Variants in HECTD4 observed in about 807,000 individuals in gnomAD.
HECTD4 encodes probable E3 ubiquitin-protein ligase HECTD4.
HECTD4 carries 114 observed loss-of-function variants against 471.5 expected under a neutral mutation model. That is an observed-to-expected ratio of 0.24 (90% CI 0.21 to 0.28). HECTD4 has a LOEUF of 0.28. HECTD4 is among the 10% of genes least tolerant of loss of function. The pLI, the probability that HECTD4 is intolerant of heterozygous loss-of-function variation, is 1.00. For synonymous variants in HECTD4, 2,012 were observed against 2,256.0 expected (o/e 0.89, Z 3.07); for missense variants, 3,866 against 5,651.5 (o/e 0.68, Z 10.13).
intron 12 of HECTD4, 121 bp downstream of exon 12, chr12:112,270,106 T>C: frequency 1.2e-6 from 1 of 823,324 alleles, no homozygotes. Context: ...GATCAGAAGG[T>C]GGTAAGATGC....
intron 7 of HECTD4, among the ~76,000 whole-genome samples, chr12:112,285,397 A>G (rs1654425030): frequency 6.6e-6 from 1 of 152,050 alleles, no homozygotes; most frequent in African/African-American, 2.4e-5. Flanking sequence ...TTACCCACTC[A>G]AAGAGGTCTG....
rs879206169 is a variant in HECTD4, at chr12:112,162,768, CTT to C, written c.13121-247_13121-246del. 3,466 of 452,630 alleles carry C rather than the reference CTT, an allele frequency of 7.7e-3. No homozygotes were observed. Among genetic ancestry groups the C allele is most frequent in the South Asian group, 0.012 (325 of 26,824 alleles). 28.0% of individuals were successfully genotyped at this position (452,630 alleles called of 1,614,324 possible). ...GGTTTGTCTGCCCAGCAAATTGTTT[CTT>C]TTTTTTTTTTTTTAACCATTTTTCT... On this transcript the variant is annotated intron_variant, in intron 75 of 75. Transcript: ENST00000682272. This position sits in a 1 kb window ranked among gnomAD's most constrained non-coding sequence, Gnocchi z 5.2.
At chr12:112,291,556 T>A (rs1020713147) in intron 7 of HECTD4, among the ~76,000 whole-genome samples, 1 of 151,430 alleles carries the variant, frequency 6.6e-6, no homozygotes, top group Non-Finnish European at 1.5e-5. Context: ...GGCAACATAG[T>A]GAGACCCCCC....
Position 112,243,486 on chromosome 12 carries a change from T to C in HECTD4, c.4825A>G (p.Thr1609Ala), listed in dbSNP as rs1404108048. Residue 1609 changes from threonine to alanine, a missense_variant, in exon 32 of 76, where the codon ACA becomes GCA. This residue lies in a region of HECTD4 where 229 missense variants were observed against 386.4 expected (regional missense o/e 0.59). Transcript: ENST00000682272. This position sits in a 1 kb window ranked among gnomAD's most constrained non-coding sequence, Gnocchi z 6.6. ...CGAGTGTTTCCCCGCCGCCACCTTG[T>C]CTGTGCAGCCAAAAGGAAACTGCTG... The part of the protein sequence containing the change: ...SSSSFLLAAQ[T>A]RWRRGNTRKQ... 6.2e-7 allele frequency: 1 copy of C among 1,606,778 alleles called. No individual in the cohort carries two copies. The highest frequency in any genetic ancestry group is 1.3e-5 in the African/African-American group (1 of 74,720).
chr12:112,215,055 C>T (rs558636551), intron 48 of HECTD4, among the ~76,000 whole-genome samples: 9 of 152,102 alleles, frequency 5.9e-5, no homozygotes, highest in East Asian at 1.9e-4. Flanking sequence ...TGGGAGGCTA[C>T]GGCAGGAGAA....
At chr12:112,302,847 T>C (rs2035192581) in intron 7 of HECTD4, among the ~76,000 whole-genome samples, 1 of 152,190 alleles carries the variant, frequency 6.6e-6, no homozygotes, top group Admixed American at 6.5e-5. Flanking sequence ...AATAGAACAA[T>C]GAGCTTCCTA....
intron 29 of HECTD4, among the ~76,000 whole-genome samples, chr12:112,245,927 T>C (rs1369315646): frequency 6.6e-6 from 1 of 151,564 alleles, no homozygotes; most frequent in Non-Finnish European, 1.5e-5. Flanking sequence ...AGGTCAGGGG[T>C]TCAAGACCAG....
Position 112,185,322 on chromosome 12 carries a change from A to C in HECTD4, c.9644T>G (p.Leu3215Trp), listed in dbSNP as rs1370774649. Reference sequence around the variant, plus strand: ...GTACAGCTTGTGGAGCTCCGACTGCAAGGCCATCAGCATGGCCAGGCAGGG... The same window carrying C: ...GTACAGCTTGTGGAGCTCCGACTGCCAGGCCATCAGCATGGCCAGGCAGGG... ...LNPCLAMLMA[L>W]QSELHKLYDE... is the part of the protein sequence containing the mutation. Residue 3215 changes from leucine to tryptophan, a missense_variant, in exon 61 of 76, where the codon TTG (leucine) becomes TGG (tryptophan). Transcript: ENST00000682272. The C allele has an allele frequency of 6.3e-7, 1 of 1,584,260 alleles. No individual in the cohort carries two copies. The highest frequency in any genetic ancestry group is 8.6e-7 in the Non-Finnish European group (1 of 1,165,278).
intron 1 of HECTD4, among the ~76,000 whole-genome samples, chr12:112,380,056 A>T (rs1030054363): frequency 6.6e-6 from 1 of 152,222 alleles, no homozygotes; most frequent in African/African-American, 2.4e-5. Flanking sequence ...CAGATATTTT[A>T]ACTAATCCTA....
chr12:112,273,799 CA>C lies in HECTD4; in HGVS notation c.1802-5del. 6.2e-7 allele frequency: 1 copy of C among 1,612,152 alleles called. No individual in the cohort carries two copies. ...TTCACTGTGTCATAACACGCTCCTGCAAAAAGAGCATACTGTATTCAGTCAC... is the reference window on the plus strand; with the variant it reads ...TTCACTGTGTCATAACACGCTCCTGCAAAAGAGCATACTGTATTCAGTCAC... On this transcript the variant is annotated splice_region_variant and splice_polypyrimidine_tract_variant and intron_variant, in intron 10 of 75. Transcript: ENST00000682272.
intron 38 of HECTD4, among the ~76,000 whole-genome samples, chr12:112,232,790 TCTAGGTCAAAA>T (rs2033413787): frequency 6.6e-6 from 1 of 152,214 alleles, no homozygotes; most frequent in South Asian, 2.1e-4. Context: ...AGAAAAAATT[TCTAGGTCAAAA>T]CTAAAAGTTT....
At chr12:112,208,096 C>A in intron 51 of HECTD4, 96 bp from the exon 52 acceptor site, 1 of 1,361,614 alleles carries the variant, frequency 7.3e-7, no homozygotes, top group South Asian at 1.4e-5. Context: ...GGTCTTCACC[C>A]CACTTAAATG....
chr12:112,207,748 G>A, intron 52 of HECTD4, 126 bp downstream of exon 52: 2 of 1,064,968 alleles, frequency 1.9e-6, no homozygotes, highest in Admixed American at 2.8e-5. Flanking sequence ...TAAAGGTAAG[G>A]TCAAAGACAC....
At chr12:112,252,390 C>A in intron 23 of HECTD4, 34 bp downstream of exon 23, 2 of 1,555,804 alleles carry the variant, frequency 1.3e-6, no homozygotes, top group South Asian at 2.5e-5. Flanking sequence ...GCAGATAGTA[C>A]ATTTTGTCCA....
Position 112,184,813 on chromosome 12 carries a change from C to T in HECTD4, c.10153G>A (p.Ala3385Thr). 6.2e-7 allele frequency: 1 copy of T among 1,609,912 alleles called. No homozygotes were observed. The highest frequency in any genetic ancestry group is 1.1e-5 in the South Asian group (1 of 90,648). ...GTGGGGCCCACCAGGGCCTGGCAGG[C>T]ATCGGCGATGGCGTCACTCGTCACG... Reference protein sequence around the residue: ...LGVTSDAIADACQALVGPTAH... With the variant: ...LGVTSDAIADTCQALVGPTAH... The change falls in exon 61 of 76, where the codon GCC becomes ACC. Residue 3385 changes from alanine (A) to threonine (T), a missense_variant. Ala to Thr is a moderately conservative substitution (Grantham distance 58, BLOSUM62 0). This residue lies in a region of HECTD4 where 71 missense variants were observed against 144.5 expected (regional missense o/e 0.49). Transcript: ENST00000682272. This position sits in a 1 kb window ranked among gnomAD's most constrained non-coding sequence, Gnocchi z 9.1.
rs114332010 is a variant in HECTD4, at chr12:112,362,530, G to C, written c.177+19422C>G. On this transcript the variant is annotated intron_variant, in intron 1 of 75. Transcript: ENST00000682272. Reference sequence around the variant, plus strand: ...GGAGGGGAGCACATCAGGAGACCAGGTCAGAGAGGAATCTGCCTACGCATC... The same window carrying C: ...GGAGGGGAGCACATCAGGAGACCAGCTCAGAGAGGAATCTGCCTACGCATC... Among the ~76,000 whole-genome samples the C allele has an allele frequency of 2.8e-3, 429 of 152,168 alleles. 1 individual carries two copies. The highest frequency in any genetic ancestry group is 9.6e-3 in the African/African-American group (398 of 41,512).
intron 7 of HECTD4, among the ~76,000 whole-genome samples, chr12:112,297,690 A>G (rs2035071719): frequency 6.6e-6 from 1 of 152,050 alleles, no homozygotes; most frequent in South Asian, 2.1e-4. Flanking sequence ...CTGGGGGCAT[A>G]TTTAGCTTGA....
At chr12:112,301,630 C>A (rs2035166429) in intron 7 of HECTD4, among the ~76,000 whole-genome samples, 1 of 152,182 alleles carries the variant, frequency 6.6e-6, no homozygotes, top group South Asian at 2.1e-4. Flanking sequence ...CTTGTCCTTT[C>A]TGAAATATTT....
At chr12:112,355,084 C>T (rs2036310202) in intron 1 of HECTD4, among the ~76,000 whole-genome samples, 1 of 150,876 alleles carries the variant, frequency 6.6e-6, no homozygotes, top group African/African-American at 2.4e-5. Context: ...GGGTTCAAGC[C>T]ATTCTCCTGC....
Sources: gnomAD v4.1 joint callset for allele counts (sites outside exome capture counted in the v4.1 genomes callset) on GRCh38, gnomAD v4.1.1 for gene constraint, gnomAD v4.1.1 regional missense constraint, Gnocchi (gnomAD v3.1) non-coding constraint, MANE v1.5 for transcripts, NCBI Gene and HGNC (gene_info 2026-07-23, HGNC 2026-07-21) for gene names.